Variants in EDDM13 observed in about 807,000 individuals in gnomAD.
EDDM13 encodes the protein epididymal protein 13.
Under a neutral mutation model 17.8 loss-of-function variants are expected in EDDM13, and 24 were observed. That is an observed-to-expected ratio of 1.35 (90% confidence interval 0.98 to 1.90). The LOEUF is 1.90. Among genes scored for constraint, EDDM13 ranks in the 40% most tolerant of loss-of-function variants. The probability of loss-of-function intolerance (pLI) is 0.00; values close to 1 mark genes in which losing one functional copy is unlikely to be tolerated. For synonymous variants in EDDM13, 31 were observed against 37.5 expected, an observed-to-expected ratio of 0.83 and a Z score of 0.63; for missense variants, 97 against 100.8, an observed-to-expected ratio of 0.96 and a Z score of 0.16.
At chr19:56,302,792 T>C in intron 13 of EDDM13, 1 of 397,640 alleles carries the variant, frequency 2.5e-6, no homozygotes, top group Non-Finnish European at 4.4e-6. Flanking sequence ...TTTGAAATAC[T>C]GTCACTCATT....
chr19:56,299,686 A>T (rs1299265663), intron 12 of EDDM13: 1 of 152,162 alleles, frequency 6.6e-6, no homozygotes, highest in African/African-American at 2.4e-5. Context: ...CACACTTTAA[A>T]TCATCTCTAG....
At chr19:56,298,835 A>G (rs1175059308) in intron 12 of EDDM13, among the ~76,000 whole-genome samples, 1 of 152,196 alleles carries the variant, frequency 6.6e-6, no homozygotes, top group African/African-American at 2.4e-5. Context: ...GTCATTTCCC[A>G]ACTCGGTTTT....
chr19:56,289,289 T>C (rs1209967895), intron 8 of EDDM13, among the ~76,000 whole-genome samples: 1 of 152,172 alleles, frequency 6.6e-6, no homozygotes, highest in Admixed American at 6.5e-5. Flanking sequence ...TCTTTTTTTA[T>C]TTGGTGTAGA....
chr19:56,296,637 A>G (rs1202399134), intron 11 of EDDM13, among the ~76,000 whole-genome samples: 1 of 152,210 alleles, frequency 6.6e-6, no homozygotes, highest in African/African-American at 2.4e-5. Context: ...TTGTATTCCA[A>G]TCAGAGGAGA....
At chr19:56,302,311 TCCC>T (rs1332442687) in intron 13 of EDDM13, among the ~76,000 whole-genome samples, 28 of 111,336 alleles carry the variant, frequency 2.5e-4, no homozygotes, top group African/African-American at 8.3e-4. Context: ...CCCTCTTTTC[TCCC>T]TCCCTCCCTC....
At chr19:56,302,628 T>C (rs1160973218) in intron 13 of EDDM13, among the ~76,000 whole-genome samples, 3 of 112,850 alleles carry the variant, frequency 2.7e-5, no homozygotes, top group African/African-American at 1.1e-4. Context: ...CCTCCCTCCC[T>C]CCTCCTCCCT....
intron 4 of EDDM13, 124 bp downstream of exon 4, chr19:56,282,623 C>T (rs551092695): frequency 8.4e-5 from 38 of 450,116 alleles, no homozygotes; most frequent in African/African-American, 7.9e-4. Context: ...CTTCTAATAG[C>T]GGAACTAGTA....
intron 14 of EDDM13, among the ~76,000 whole-genome samples, chr19:56,305,523 G>C (rs374504336): frequency 6.6e-6 from 1 of 152,204 alleles, no homozygotes; most frequent in Non-Finnish European, 1.5e-5. Context: ...TGACTGTTGT[G>C]AGTCGTGGTG....
At chr19:56,281,590 A>G (rs1199736998) in intron 2 of EDDM13, 103 bp from the exon 3 acceptor site, 1 of 518,118 alleles carries the variant, frequency 1.9e-6, no homozygotes, top group African/African-American at 2.1e-5. Flanking sequence ...AAAGAAATGC[A>G]TGTAAAAATT....
chr19:56,280,229 A>G (rs1034494862), intron 2 of EDDM13, among the ~76,000 whole-genome samples: 2 of 152,194 alleles, frequency 1.3e-5, no homozygotes, highest in African/African-American at 4.8e-5. Context: ...TCACCTAATA[A>G]TACTTCCAGA....
intron 12 of EDDM13, among the ~76,000 whole-genome samples, chr19:56,301,335 T>C (rs1443712620): frequency 6.6e-6 from 1 of 152,046 alleles, no homozygotes; most frequent in African/African-American, 2.4e-5. Context: ...GTGCCTCCCC[T>C]TTTTAGGCCA....
At chr19:56,282,588 C>T in intron 4 of EDDM13, 89 bp downstream of exon 4, 3 of 800,836 alleles carry the variant, frequency 3.7e-6, no homozygotes, top group Non-Finnish European at 3.0e-6. Context: ...ACTTACGTTT[C>T]TTCTCTGGTC....
chr19:56,281,658 G>A, intron 2 of EDDM13, 35 bp from the exon 3 acceptor site: 1 of 983,958 alleles, frequency 1.0e-6, no homozygotes, highest in Non-Finnish European at 1.2e-6. Flanking sequence ...TTTCCATGTT[G>A]ATTCACTGGC....
chr19:56,297,744 T>A (rs577156904), intron 12 of EDDM13: 1 of 152,590 alleles, frequency 6.6e-6, no homozygotes, highest in East Asian at 1.9e-4. Context: ...CCCAACATAC[T>A]GAGATGTGAG....
intron 9 of EDDM13, chr19:56,295,120 T>A (rs1337297778): frequency 1.3e-5 from 2 of 152,196 alleles, no homozygotes; most frequent in Non-Finnish European, 1.5e-5. Context: ...GCTTTGTGAA[T>A]GTCCTAAAAA....
At chr19:56,282,629 T>C (rs962071121) in intron 4 of EDDM13, 130 bp downstream of exon 4, 4 of 390,332 alleles carry the variant, frequency 1.0e-5, no homozygotes, top group East Asian at 1.6e-4. Context: ...ATAGCGGAAC[T>C]AGTAAAACCA....
chr19:56,292,742 C>T (rs1456118712), intron 9 of EDDM13, among the ~76,000 whole-genome samples: 1 of 152,138 alleles, frequency 6.6e-6, no homozygotes, highest in Non-Finnish European at 1.5e-5. Flanking sequence ...ACCTCAGCCC[C>T]GGCAACCACC....
chr19:56,301,445 G>A (rs964628102), intron 12 of EDDM13, among the ~76,000 whole-genome samples: 1 of 152,026 alleles, frequency 6.6e-6, no homozygotes, highest in Non-Finnish European at 1.5e-5. Context: ...AGTATATAAT[G>A]AGCAGTGAGG....
At chr19:56,284,385 G>A (rs2038944149) in intron 5 of EDDM13, among the ~76,000 whole-genome samples, 179 bp downstream of exon 5, 2 of 152,106 alleles carry the variant, frequency 1.3e-5, no homozygotes, top group African/African-American at 4.8e-5. Context: ...TCTGTGCCTG[G>A]ACTCATGCTT....
Sources: gnomAD v4.1 joint callset for allele counts (sites outside exome capture counted in the v4.1 genomes callset) on GRCh38, gnomAD v4.1.1 for gene constraint, MANE v1.5 for transcripts, NCBI Gene and HGNC (gene_info 2026-07-23, HGNC 2026-07-21) for gene names.